The following STS variants were observed in gnomAD, a reference collection of about 807,000 sequenced individuals.
The protein encoded by STS is steryl-sulfatase.
In STS, 7 loss-of-function variants were observed where a neutral mutation model predicts 26.8. The ratio of observed to expected loss-of-function variants is 0.26; its 90% confidence interval spans 0.15 to 0.49. The LOEUF is 0.49. STS is among the 20% of genes least tolerant of loss of function. The probability of loss-of-function intolerance (pLI) is 0.98; values close to 1 mark genes in which losing one functional copy is unlikely to be tolerated. For synonymous variants in STS, 199 were observed against 189.4 expected, an observed-to-expected ratio of 1.05 and a Z score of -0.42; for missense variants, 434 against 465.6, an observed-to-expected ratio of 0.93 and a Z score of 0.63.
chrX:7,275,432 C>CA (rs1180385314), intron 6 of STS, among the ~76,000 whole-genome samples: 1 of 110,993 alleles, frequency 9.0e-6, no homozygotes, highest in African/African-American at 3.3e-5. Context: ...TTGTATATAT[C>CA]AAATGATACC....
At chrX:7,231,217 C>T (rs1421554306) in intron 2 of STS, among the ~76,000 whole-genome samples, 1 of 111,677 alleles carries the variant, frequency 9.0e-6, no homozygotes, top group Non-Finnish European at 1.9e-5. Context: ...CTGACAGGCA[C>T]AGGGATCTCC....
At chrX:7,282,913 A>C (rs1306288779) in intron 7 of STS, among the ~76,000 whole-genome samples, 1 of 112,096 alleles carries the variant, frequency 8.9e-6, no homozygotes, top group Non-Finnish European at 1.9e-5. Flanking sequence ...ATTGTTCTGC[A>C]AGAATATTTC....
At chrX:7,194,850 G>A (rs187459771) in intron 2 of STS, among the ~76,000 whole-genome samples, 39 of 111,642 alleles carry the variant, frequency 3.5e-4, no homozygotes, top group Admixed American at 1.6e-3. Flanking sequence ...TTTAGTCACC[G>A]CGTGAACATA....
intron 6 of STS, among the ~76,000 whole-genome samples, chrX:7,260,249 A>G (rs1191530070): frequency 8.9e-6 from 1 of 112,506 alleles, no homozygotes; most frequent in Non-Finnish European, 1.9e-5. Flanking sequence ...AGAGCTCGCC[A>G]TAGCACATGT....
At chrX:7,289,856 T>C (rs1235083812) in intron 7 of STS, among the ~76,000 whole-genome samples, 1 of 111,350 alleles carries the variant, frequency 9.0e-6, no homozygotes, top group Admixed American at 9.6e-5. Context: ...GGTTTTACTA[T>C]GTTGCCCGGG....
At chrX:7,310,949 G>A (rs1926446831) in intron 8 of STS, among the ~76,000 whole-genome samples, 1 of 111,469 alleles carries the variant, frequency 9.0e-6, no homozygotes, top group South Asian at 3.8e-4. Context: ...GCTAGCCCAA[G>A]CCCACACATG....
chrX:7,170,676 G>A (rs372485283), intron 1 of STS, among the ~76,000 whole-genome samples: 43 of 109,659 alleles, frequency 3.9e-4, no homozygotes, highest in African/African-American at 1.4e-3. Context: ...TGTAGAAATG[G>A]GGTCTCACTA....
chrX:7,203,156 G>A (rs1336867098), intron 2 of STS, among the ~76,000 whole-genome samples: 4 of 111,535 alleles, frequency 3.6e-5, no homozygotes, highest in Admixed American at 9.5e-5. Flanking sequence ...CTTGGACTCC[G>A]GGATCTATGC....
At chrX:7,289,894 G>A (rs780448844) in intron 7 of STS, among the ~76,000 whole-genome samples, 1 of 111,290 alleles carries the variant, frequency 9.0e-6, no homozygotes, top group African/African-American at 3.3e-5. Context: ...AGCTCAGTCA[G>A]TTCACCCACC....
chrX:7,178,855 C>T (rs186863780), intron 1 of STS, among the ~76,000 whole-genome samples: 188 of 103,217 alleles, frequency 1.8e-3, no homozygotes, highest in Non-Finnish European at 3.2e-3. Context: ...AAAGTGGTAA[C>T]TGGCCTTCTC....
At chrX:7,208,381 T>C (rs1484649007) in intron 2 of STS, among the ~76,000 whole-genome samples, 2 of 112,345 alleles carry the variant, frequency 1.8e-5, no homozygotes, top group African/African-American at 6.5e-5. Context: ...ATGTGTAATA[T>C]ATAGAAATGG....
intron 1 of STS, among the ~76,000 whole-genome samples, chrX:7,178,313 C>T (rs1287252930): frequency 8.9e-6 from 1 of 112,086 alleles, no homozygotes. Context: ...TGCTGAGATG[C>T]GCTACCTCTC....
chrX:7,204,003 T>C (rs1374786892), intron 2 of STS, among the ~76,000 whole-genome samples: 1 of 111,404 alleles, frequency 9.0e-6, no homozygotes, highest in Non-Finnish European at 1.9e-5. Flanking sequence ...CAGGCTGCTC[T>C]CAAACTTCCG....
At chrX:7,210,082 C>A (rs756085570) in intron 2 of STS, among the ~76,000 whole-genome samples, 2 of 111,738 alleles carry the variant, frequency 1.8e-5, no homozygotes, top group East Asian at 5.6e-4. Flanking sequence ...TTGCAGTAAA[C>A]ATACATGTGC....
chrX:7,312,419 T>A (rs1763557875), intron 8 of STS, among the ~76,000 whole-genome samples: 2 of 111,756 alleles, frequency 1.8e-5, no homozygotes, highest in Admixed American at 9.5e-5. Flanking sequence ...TACCACTGTG[T>A]CCTAGTGCCT....
chrX:7,254,574 CTTCTTTTTT>C (rs1320398714), intron 3 of STS, among the ~76,000 whole-genome samples: 1 of 92,020 alleles, frequency 1.1e-5, no homozygotes. Context: ...TTTTTTTCTT[CTTCTTTTTT>C]TTTTTTTTTT....
chrX:7,155,081 TG>T (rs1933105932), intron 1 of STS, among the ~76,000 whole-genome samples: 1 of 111,807 alleles, frequency 8.9e-6, no homozygotes, highest in African/African-American at 3.3e-5. Context: ...GCCTGGAAAA[TG>T]TGCTGAATGA....
chrX:7,285,021 C>T (rs1046889454), intron 7 of STS, among the ~76,000 whole-genome samples: 1 of 109,425 alleles, frequency 9.1e-6, no homozygotes, highest in African/African-American at 3.3e-5. Context: ...ATGATGATGG[C>T]GATGCTGATG....
At chrX:7,214,386 A>G (rs1192437077) in intron 2 of STS, among the ~76,000 whole-genome samples, 1 of 111,764 alleles carries the variant, frequency 8.9e-6, no homozygotes, top group African/African-American at 3.3e-5. Flanking sequence ...CTGATTAATC[A>G]CAGTTGAAAC....
Sources: allele counts gnomAD v4.1 joint callset (sites outside exome capture counted in the v4.1 genomes callset), GRCh38; gene constraint gnomAD v4.1.1; transcripts MANE v1.5; gene names NCBI Gene and HGNC (gene_info 2026-07-23, HGNC 2026-07-21).